The following PLEKHA5 variants were observed in gnomAD, a reference collection of about 807,000 sequenced individuals.
PLEKHA5 encodes pleckstrin homology domain-containing family A member 5.
In PLEKHA5, 55 loss-of-function variants were observed where a neutral mutation model predicts 181.9. That is an observed-to-expected ratio of 0.30 (90% CI 0.24 to 0.38). PLEKHA5 has a LOEUF of 0.38. PLEKHA5 is among the 10% of genes least tolerant of loss of function. The probability of loss-of-function intolerance (pLI) is 1.00; values close to 1 mark genes in which losing one functional copy is unlikely to be tolerated. For missense variants in PLEKHA5, 1,432 were observed against 1,549.5 expected (o/e 0.92, Z 1.27); for synonymous variants, 535 against 529.4 (o/e 1.01, Z -0.15).
At chr12:19,306,639 T>G in intron 15 of PLEKHA5, 1 of 1,188,702 alleles carries the variant, frequency 8.4e-7, no homozygotes, top group Non-Finnish European at 1.3e-6. Flanking sequence ...GGCGGCGGCA[T>G]CGAGGTAATA....
chr12:19,369,728 T>C lies in PLEKHA5; in HGVS notation c.3790T>C (p.Ser1264Pro), dbSNP rs757512098. The stretch of plus-strand genomic sequence containing the variant: ...GTCCCCATCTCCTGAGTCCTCGGCA[T>C]CGCCAGTTCCATCCACTCAGCCGCA... The part of the protein sequence containing the change: ...SLSPSPESSA[S>P]PVPSTQPQLT... Residue 1264 changes from serine (S) to proline (P), a missense_variant, in exon 31 of 32, where the codon TCG (serine) becomes CCG (proline). Ser to Pro is a moderately conservative substitution (Grantham distance 74). Coordinates refer to ENST00000429027, the MANE Select transcript of PLEKHA5 (RefSeq NM_001256470.2). The C allele has an allele frequency of 1.9e-6, 3 of 1,612,620 alleles. No individual in the cohort carries two copies. The highest frequency in any genetic ancestry group is 4.5e-5 in the East Asian group (2 of 44,834).
At chr12:19,334,756 G>A (rs1439700611) in intron 20 of PLEKHA5, among the ~76,000 whole-genome samples, 4 of 141,118 alleles carry the variant, frequency 2.8e-5, no homozygotes, top group African/African-American at 1.0e-4. Context: ...CAAGGCTGGT[G>A]GAATCACTTG....
intron 3 of PLEKHA5, among the ~76,000 whole-genome samples, chr12:19,221,614 C>T (rs907007199): frequency 2.3e-4 from 35 of 151,990 alleles, no homozygotes; most frequent in South Asian, 8.3e-4. Context: ...AAAACCCGAC[C>T]GTATGCAAAA....
At chr12:19,354,245 G>A (rs547713463) in intron 26 of PLEKHA5, among the ~76,000 whole-genome samples, 3 of 124,942 alleles carry the variant, frequency 2.4e-5, no homozygotes, top group East Asian at 2.6e-4. Context: ...TCCGCCTCCC[G>A]GGTTCACGCC....
intron 3 of PLEKHA5, among the ~76,000 whole-genome samples, chr12:19,226,269 A>G (rs1336550342): frequency 6.6e-6 from 1 of 152,176 alleles, no homozygotes; most frequent in Non-Finnish European, 1.5e-5. Flanking sequence ...GTATCAGTAC[A>G]TCATTCCTTT....
intron 3 of PLEKHA5, among the ~76,000 whole-genome samples, chr12:19,237,772 A>G (rs1413170803): frequency 2.6e-5 from 4 of 152,008 alleles, no homozygotes; most frequent in Admixed American, 1.3e-4. Context: ...ATTTATTATT[A>G]ATAATATCAA....
intron 3 of PLEKHA5, among the ~76,000 whole-genome samples, chr12:19,217,137 A>G (rs2058116993): frequency 6.6e-6 from 1 of 152,262 alleles, no homozygotes; most frequent in Admixed American, 6.5e-5. Flanking sequence ...TAAACGTATT[A>G]TAATCAAAAA....
At chr12:19,357,442 C>T (rs754697478) in intron 26 of PLEKHA5, among the ~76,000 whole-genome samples, 34 of 151,920 alleles carry the variant, frequency 2.2e-4, no homozygotes, top group East Asian at 1.8e-3. Context: ...GACAGGGTTT[C>T]GCCATGTTGG....
At chr12:19,213,706 G>A (rs2057407158) in intron 3 of PLEKHA5, among the ~76,000 whole-genome samples, 1 of 152,138 alleles carries the variant, frequency 6.6e-6, no homozygotes, top group African/African-American at 2.4e-5. Context: ...CTGTGGCAGT[G>A]GAAATAGAGA....
At chr12:19,219,460 A>G (rs1347640189) in intron 3 of PLEKHA5, among the ~76,000 whole-genome samples, 1 of 150,004 alleles carries the variant, frequency 6.7e-6, no homozygotes, top group Non-Finnish European at 1.5e-5. Context: ...AAACAATTAT[A>G]AAAGATTTGT....
At chr12:19,134,591 C>T (rs1353857092) in intron 3 of PLEKHA5, among the ~76,000 whole-genome samples, 1 of 152,122 alleles carries the variant, frequency 6.6e-6, no homozygotes, top group Non-Finnish European at 1.5e-5. Flanking sequence ...AGTTAAATCC[C>T]TAATGTGCAC....
intron 15 of PLEKHA5, among the ~76,000 whole-genome samples, chr12:19,299,507 A>G (rs1291721901): frequency 1.3e-5 from 2 of 152,204 alleles, no homozygotes; most frequent in African/African-American, 2.4e-5. Context: ...GCACATAGCA[A>G]TATTCCTGGT....
chr12:19,315,523 G>A (rs1186588928), intron 16 of PLEKHA5, among the ~76,000 whole-genome samples: 2 of 152,038 alleles, frequency 1.3e-5, no homozygotes, highest in African/African-American at 2.4e-5. Context: ...CTTTAACTTA[G>A]GAACCTTAGT....
rs201805981 is a variant in PLEKHA5, at chr12:19,361,444, A to G, written c.3484-138A>G. The stretch of plus-strand genomic sequence containing the variant: ...GTGATCCGCCCTTCTCGGCCTCCCA[A>G]AGTGCTGGGATTACAGGCGTGAGCC... On this transcript the variant is annotated intron_variant, in intron 28 of 31. Coordinates refer to ENST00000429027, the MANE Select transcript of PLEKHA5 (RefSeq NM_001256470.2). 15 of 558,974 alleles carry G rather than the reference A, an allele frequency of 2.7e-5. No individual in the cohort carries two copies. The East Asian group carries it at 4.3e-4, about 16-fold the overall frequency. The allele number at this position is 558,974 out of a possible 1,614,324, so 34.6% of individuals were successfully genotyped here.
At chr12:19,229,193 G>C (rs1253859371) in intron 3 of PLEKHA5, among the ~76,000 whole-genome samples, 2 of 152,190 alleles carry the variant, frequency 1.3e-5, no homozygotes, top group Non-Finnish European at 2.9e-5. Flanking sequence ...AGTAAAACTT[G>C]ATGTTGGCAG....
intron 11 of PLEKHA5, among the ~76,000 whole-genome samples, chr12:19,281,895 C>T (rs1046252836): frequency 3.3e-5 from 5 of 152,036 alleles, no homozygotes; most frequent in Non-Finnish European, 5.9e-5. Flanking sequence ...CATTCTCCTG[C>T]CTCAGCCTCC....
chr12:19,134,620 T>A (rs1461320481), intron 3 of PLEKHA5, among the ~76,000 whole-genome samples: 2 of 152,162 alleles, frequency 1.3e-5, no homozygotes, highest in Non-Finnish European at 2.9e-5. Context: ...CCTAGAAACT[T>A]TTTACTTGTT....
At chr12:19,269,280 G>A (rs1172857194) in intron 8 of PLEKHA5, among the ~76,000 whole-genome samples, 2 of 151,760 alleles carry the variant, frequency 1.3e-5, no homozygotes, top group Admixed American at 6.6e-5. Flanking sequence ...CCAGCTAATC[G>A]GGATGCTGAG....
chr12:19,245,055 T>C (rs1565511120), intron 3 of PLEKHA5, among the ~76,000 whole-genome samples: 1 of 152,114 alleles, frequency 6.6e-6, no homozygotes, highest in Non-Finnish European at 1.5e-5. Context: ...AGCCAAAACA[T>C]TAAAACATTT....
Sources: gnomAD v4.1 joint callset for allele counts (sites outside exome capture counted in the v4.1 genomes callset) on GRCh38, gnomAD v4.1.1 for gene constraint, MANE v1.5 for transcripts, NCBI Gene and HGNC (gene_info 2026-07-23, HGNC 2026-07-21) for gene names.